Variants in XRCC4 observed in about 807,000 individuals in gnomAD.
XRCC4 encodes DNA repair protein XRCC4.
In XRCC4, 28 loss-of-function variants were observed where a neutral mutation model predicts 39.1. That is an observed-to-expected ratio of 0.72 (90% confidence interval 0.53 to 0.98). XRCC4 has a LOEUF of 0.98. XRCC4 is among the 50% of genes least tolerant of loss of function. The pLI, the probability that XRCC4 is intolerant of heterozygous loss-of-function variation, is 0.00. For missense variants in XRCC4, 350 were observed against 376.4 expected (o/e 0.93, Z 0.58); for synonymous variants, 123 against 126.4 (o/e 0.97, Z 0.18).
chr5:83,242,731 A>G (rs1580415288), intron 6 of XRCC4, among the ~76,000 whole-genome samples: 1 of 152,276 alleles, frequency 6.6e-6, no homozygotes, highest in Non-Finnish European at 1.5e-5. Flanking sequence ...TTTTTCCTGC[A>G]CTTACTTCCT....
At chr5:83,143,299 A>G (rs1415303466) in intron 3 of XRCC4, among the ~76,000 whole-genome samples, 2 of 152,168 alleles carry the variant, frequency 1.3e-5, no homozygotes, top group African/African-American at 4.8e-5. Context: ...TGAAGTGAAA[A>G]TACCAAAATG....
chr5:83,147,591 T>C (rs930343759), intron 3 of XRCC4, among the ~76,000 whole-genome samples: 1 of 152,076 alleles, frequency 6.6e-6, no homozygotes, highest in African/African-American at 2.4e-5. Flanking sequence ...GGTCAAAGGA[T>C]ACACAATTTC....
chr5:83,168,948 G>A (rs13436667), intron 3 of XRCC4, among the ~76,000 whole-genome samples: 73,677 of 151,906 alleles, frequency 0.49, 18,840 homozygotes, highest in African/African-American at 0.63. Context: ...GAGAATCCCC[G>A]GAATGATGCT....
chr5:83,087,605 G>A (rs979627146), intron 1 of XRCC4, among the ~76,000 whole-genome samples: 1 of 151,950 alleles, frequency 6.6e-6, no homozygotes, highest in Non-Finnish European at 1.5e-5. Context: ...AGAGGTTGCA[G>A]TGAGCCGAGA....
chr5:83,239,440 A>G (rs949669970), intron 6 of XRCC4, among the ~76,000 whole-genome samples: 5 of 152,366 alleles, frequency 3.3e-5, no homozygotes, highest in East Asian at 1.9e-4. Flanking sequence ...TGCTACAACT[A>G]TATATTAAGG....
rs191175302 is a variant in XRCC4 at position 83,353,538 on chromosome 5, A to G, written c.*296A>G. 7.1e-5 allele frequency: 14 copies of G among 196,678 alleles called. No individual in the cohort carries two copies. Among genetic ancestry groups the G allele is most frequent in the African/African-American group, 2.8e-4 (12 of 43,090 alleles). 12.2% of individuals were successfully genotyped at this position (196,678 alleles called of 1,614,324 possible). On this transcript the variant is annotated 3_prime_UTR_variant, in exon 8 of 8. Coordinates refer to ENST00000396027, the MANE Select transcript of XRCC4 (RefSeq NM_003401.5). ...TTTATCATATTCATTCACACATATT[A>G]TATGTGATAGCTGTCCAACATCCTG...
chr5:83,206,238 A>G (rs142826805), intron 6 of XRCC4, among the ~76,000 whole-genome samples: 1 of 152,150 alleles, frequency 6.6e-6, no homozygotes, highest in Non-Finnish European at 1.5e-5. Context: ...AGAAGAAGAT[A>G]TAACAGATGG....
chr5:83,091,075 A>G (rs545942312), intron 1 of XRCC4, among the ~76,000 whole-genome samples: 12 of 152,332 alleles, frequency 7.9e-5, no homozygotes, highest in East Asian at 5.8e-4. Flanking sequence ...AGCATGCTGT[A>G]CAATTGATCT....
Position 83,250,259 on chromosome 5 carries a change from A to G in XRCC4, c.746-8271A>G, listed in dbSNP as rs368697621. Among the ~76,000 whole-genome samples the G allele has an allele frequency of 1.4e-4, 22 of 152,286 alleles. No homozygotes were observed. In the South Asian group the frequency reaches 4.6e-3, roughly 32 times the overall value. Reference sequence around the variant, plus strand: ...CAAAATGATATAAATTGAAGGCTTAATGTTGTTCTTTCACAAATTGCTTTT... The same window carrying G: ...CAAAATGATATAAATTGAAGGCTTAGTGTTGTTCTTTCACAAATTGCTTTT... On this transcript the variant is annotated intron_variant, in intron 6 of 7. Coordinates refer to ENST00000396027, the MANE Select transcript of XRCC4 (RefSeq NM_003401.5).
the XRCC4 span, among the ~76,000 whole-genome samples, chr5:83,362,858 T>G: frequency 2.6e-4 from 39 of 152,206 alleles, no homozygotes; most frequent in African/African-American, 9.4e-4. Flanking sequence ...CATGAGGCCT[T>G]GAGGTTATAC....
intron 3 of XRCC4, among the ~76,000 whole-genome samples, chr5:83,147,253 G>A (rs1038691842): frequency 6.6e-6 from 1 of 152,100 alleles, no homozygotes; most frequent in African/African-American, 2.4e-5. Context: ...GCGAGGCTTT[G>A]TCTCTAAGAA....
intron 3 of XRCC4, among the ~76,000 whole-genome samples, chr5:83,132,713 C>T (rs1301603100): frequency 6.6e-6 from 1 of 152,022 alleles, no homozygotes; most frequent in Non-Finnish European, 1.5e-5. Context: ...AGTTCTTGTG[C>T]CATTGTTTTC....
At chr5:83,117,297 T>A (rs1270344669) in intron 3 of XRCC4, among the ~76,000 whole-genome samples, 2 of 152,192 alleles carry the variant, frequency 1.3e-5, no homozygotes. Flanking sequence ...GGACTGTCAC[T>A]CACACAAGAG....
chr5:83,208,034 G>C (rs967720155), intron 6 of XRCC4, among the ~76,000 whole-genome samples: 7 of 151,972 alleles, frequency 4.6e-5, no homozygotes, highest in Admixed American at 2.0e-4. Flanking sequence ...TCTTTAAGTG[G>C]CTGAATATAT....
At chr5:83,139,381 G>A (rs1157981325) in intron 3 of XRCC4, among the ~76,000 whole-genome samples, 1 of 152,176 alleles carries the variant, frequency 6.6e-6, no homozygotes, top group African/African-American at 2.4e-5. Flanking sequence ...AAGCATTACT[G>A]TGGGTGATAT....
chr5:83,116,455 TATATA>T (rs1226299939), intron 3 of XRCC4, among the ~76,000 whole-genome samples: 2 of 152,114 alleles, frequency 1.3e-5, no homozygotes, highest in Non-Finnish European at 2.9e-5. Flanking sequence ...ATATCTAACT[TATATA>T]AGAATTGTTT....
At chr5:83,273,153 A>G (rs2112933665) in intron 7 of XRCC4, among the ~76,000 whole-genome samples, 1 of 152,218 alleles carries the variant, frequency 6.6e-6, no homozygotes, top group African/African-American at 2.4e-5. Flanking sequence ...TGTGGTTTTC[A>G]TTTGCATTTC....
intron 6 of XRCC4, among the ~76,000 whole-genome samples, chr5:83,216,786 C>A (rs920540840): frequency 3.3e-5 from 5 of 151,866 alleles, no homozygotes; most frequent in African/African-American, 1.2e-4. Flanking sequence ...TACTGAAAAC[C>A]GATTAAATGT....
At chr5:83,197,147 C>T (rs1305651945) in intron 4 of XRCC4, among the ~76,000 whole-genome samples, 1 of 151,206 alleles carries the variant, frequency 6.6e-6, no homozygotes, top group Non-Finnish European at 1.5e-5. Flanking sequence ...AAAATGAGAC[C>T]AAATCCAAAC....
Sources: allele counts gnomAD v4.1 joint callset (sites outside exome capture counted in the v4.1 genomes callset), GRCh38; gene constraint gnomAD v4.1.1; transcripts MANE v1.5; gene names NCBI Gene and HGNC (gene_info 2026-07-23, HGNC 2026-07-21).